SEMA3A: variants seen among roughly 807,000 people sequenced by gnomAD.
SEMA3A encodes semaphorin-3A.
SEMA3A carries 29 observed loss-of-function variants against 97.9 expected under a neutral mutation model. That is an observed-to-expected ratio of 0.30 (90% confidence interval 0.22 to 0.40). The LOEUF is 0.40. SEMA3A is among the 10% of genes least tolerant of loss of function. SEMA3A has a pLI of 1.00. For synonymous variants in SEMA3A, 321 were observed against 323.7 expected (o/e 0.99, Z 0.09); for missense variants, 763 against 951.3 (o/e 0.80, Z 2.60).
At chr7:84,181,052 C>T (rs1408530282) in intron 1 of SEMA3A, among the ~76,000 whole-genome samples, 1 of 151,942 alleles carries the variant, frequency 6.6e-6, no homozygotes, top group Non-Finnish European at 1.5e-5. Context: ...TGAACTTATG[C>T]TTTTTCTTCC....
chr7:84,285,983 A>AAAAAAG (rs1800577227), intron 3 of SEMA3A, among the ~76,000 whole-genome samples: 1 of 151,588 alleles, frequency 6.6e-6, no homozygotes, highest in African/African-American at 2.4e-5. Flanking sequence ...AAAAAAAAAA[A>AAAAAAG]AAAAAGAAGA....
At chr7:84,396,698 A>G (rs1465313796) in intron 1 of SEMA3A, among the ~76,000 whole-genome samples, 1 of 152,080 alleles carries the variant, frequency 6.6e-6, no homozygotes, top group Non-Finnish European at 1.5e-5. Flanking sequence ...TAATAGCTGT[A>G]GTTGGAAAAC....
At chr7:84,051,358 C>G (rs1333468355) in intron 5 of SEMA3A, among the ~76,000 whole-genome samples, 5 of 152,102 alleles carry the variant, frequency 3.3e-5, no homozygotes, top group East Asian at 1.9e-4. Context: ...AATGTTCTTC[C>G]TTTTGTTTGT....
intron 4 of SEMA3A, among the ~76,000 whole-genome samples, chr7:84,106,401 T>C (rs1990043): frequency 0.42 from 64,428 of 151,982 alleles, 14,829 homozygotes; most frequent in Admixed American, 0.52. Flanking sequence ...GGCTCCACCA[T>C]GTAGCCTAGG....
chr7:84,018,029 C>T (rs1470896639), intron 6 of SEMA3A, among the ~76,000 whole-genome samples: 1 of 152,122 alleles, frequency 6.6e-6, no homozygotes, highest in African/African-American at 2.4e-5. Flanking sequence ...CCTAGTGTTG[C>T]TAAGAAATTG....
intron 1 of SEMA3A, among the ~76,000 whole-genome samples, chr7:84,164,807 T>G (rs1385684982): frequency 6.6e-6 from 1 of 152,128 alleles, no homozygotes; most frequent in African/African-American, 2.4e-5. Context: ...TCTTAACACT[T>G]TCCTTATTAC....
At chr7:84,394,610 A>G (rs2116186632) in intron 1 of SEMA3A, among the ~76,000 whole-genome samples, 1 of 152,256 alleles carries the variant, frequency 6.6e-6, no homozygotes, top group Non-Finnish European at 1.5e-5. Flanking sequence ...GTCATAGTTG[A>G]TGGCTGATTG....
chr7:84,161,232 C>T (rs913425640), intron 1 of SEMA3A, among the ~76,000 whole-genome samples: 2 of 151,608 alleles, frequency 1.3e-5, no homozygotes, highest in South Asian at 2.1e-4. Context: ...GGTGTTGTGG[C>T]GGGCTCCTGT....
At chr7:84,281,643 T>C (rs1170511411) in intron 3 of SEMA3A, among the ~76,000 whole-genome samples, 1 of 152,200 alleles carries the variant, frequency 6.6e-6, no homozygotes, top group East Asian at 1.9e-4. Context: ...GATTTTGATA[T>C]TAGATAGTAT....
At chr7:84,388,525 A>G (rs1228540744) in intron 1 of SEMA3A, among the ~76,000 whole-genome samples, 1 of 152,006 alleles carries the variant, frequency 6.6e-6, no homozygotes, top group Non-Finnish European at 1.5e-5. Context: ...CACTCTCTTG[A>G]CTTGCATATA....
chr7:84,225,533 T>G (rs955541945), intron 3 of SEMA3A, among the ~76,000 whole-genome samples: 1 of 152,124 alleles, frequency 6.6e-6, no homozygotes, highest in Non-Finnish European at 1.5e-5. Flanking sequence ...AAAGAATGAA[T>G]GCAGAAGAGG....
intron 6 of SEMA3A, among the ~76,000 whole-genome samples, chr7:84,018,705 A>G (rs1791199218): frequency 6.6e-6 from 1 of 152,196 alleles, no homozygotes; most frequent in African/African-American, 2.4e-5. Context: ...AGAAAGTTGT[A>G]CACACAGAGA....
At chr7:84,441,568 C>G (rs2527527) in intron 1 of SEMA3A, among the ~76,000 whole-genome samples, 17,391 of 151,740 alleles carry the variant, frequency 0.11, 1,876 homozygotes, top group African/African-American at 0.27. Flanking sequence ...CACCATCAGG[C>G]AGACCAACAT....
At chr7:84,134,674 G>C (rs1201843337) in intron 2 of SEMA3A, 120 bp downstream of exon 2, 1 of 702,002 alleles carries the variant, frequency 1.4e-6, no homozygotes, top group African/African-American at 1.8e-5. Flanking sequence ...CATCAGAAAA[G>C]ACAAACTATT....
chr7:84,116,064 A>C (rs928458031), intron 3 of SEMA3A, among the ~76,000 whole-genome samples: 1 of 152,134 alleles, frequency 6.6e-6, no homozygotes, highest in Non-Finnish European at 1.5e-5. Flanking sequence ...AAGACAGAAA[A>C]ACTGAGCCCA....
At chr7:84,094,151 A>C (rs1346194006) in intron 4 of SEMA3A, among the ~76,000 whole-genome samples, 3 of 152,048 alleles carry the variant, frequency 2.0e-5, no homozygotes, top group Non-Finnish European at 4.4e-5. Context: ...GATGTCAATT[A>C]AGATTGTTAT....
Position 83,981,343 on chromosome 7 carries a change from G to A in SEMA3A, c.1630C>T (p.Arg544Cys), listed in dbSNP as rs750024161. 6.2e-6 allele frequency: 10 copies of A among 1,613,896 alleles called. No individual in the cohort carries two copies. The highest frequency in any genetic ancestry group is 8.5e-6 in the Non-Finnish European group (10 of 1,179,922). ...TACCTCTTTGCAGTGGGAAAATAGCGAGAACATGCAGAACCATCCCAAGCA... is the reference window on the plus strand; with the variant it reads ...TACCTCTTTGCAGTGGGAAAATAGCAAGAACATGCAGAACCATCCCAAGCA... ...YCAWDGSACSRYFPTAKRRTR... is the reference protein window; with the variant it reads ...YCAWDGSACSCYFPTAKRRTR... The change falls in exon 14 of 17, where the codon CGC (arginine) becomes TGC (cysteine). Residue 544 changes from arginine to cysteine, a missense_variant. Arg to Cys is a radical substitution (Grantham distance 180). This residue lies in a region of SEMA3A where 678 missense variants were observed against 881.3 expected (regional missense o/e 0.77). Coordinates refer to ENST00000265362, the MANE Select transcript of SEMA3A (RefSeq NM_006080.3).
chr7:84,180,841 A>C (rs1031589641), intron 1 of SEMA3A, among the ~76,000 whole-genome samples: 4 of 152,192 alleles, frequency 2.6e-5, no homozygotes, highest in Non-Finnish European at 5.9e-5. Flanking sequence ...GTCCTGGCTT[A>C]CTAAATGAAG....
At position 84,211,697 on chromosome 7, in the gene SEMA3A, A is replaced by C. The variant is rs76297289; in HGVS notation, c.-82-17029T>G. On this transcript the variant is annotated intron_variant, in intron 3 of 3. Transcript: ENST00000424555. ...GACATTAACTGAGACCAGCAAGAAA[A>C]GAAAAGGTGTGAATATGCCTGAGGA... Among the ~76,000 whole-genome samples the C allele has an allele frequency of 1.3e-3, 197 of 152,286 alleles. 5 individuals carry two copies. In the East Asian group the frequency reaches 0.035, roughly 27 times the overall value.
Sources: allele counts gnomAD v4.1 joint callset (sites outside exome capture counted in the v4.1 genomes callset), GRCh38; gene constraint gnomAD v4.1.1; regional missense constraint gnomAD v4.1.1; transcripts MANE v1.5; gene names NCBI Gene and HGNC (gene_info 2026-07-23, HGNC 2026-07-21).